The following MED25 variants were observed in gnomAD, a reference collection of about 807,000 sequenced individuals.
MED25 encodes mediator complex subunit 25.
MED25 carries 62 observed loss-of-function variants against 89.4 expected under a neutral mutation model. The observed-to-expected ratio is 0.69, with a 90% CI of 0.57 to 0.86. The LOEUF (loss-of-function observed/expected upper bound fraction) is 0.86, where lower values mean the gene tolerates loss of function less well. Ranked by LOEUF, MED25 falls within the 40% of genes least tolerant of loss-of-function variation. The pLI, the probability that MED25 is intolerant of heterozygous loss-of-function variation, is 0.00. For synonymous variants in MED25, 449 were observed against 427.9 expected (o/e 1.05, Z -0.61); for missense variants, 905 against 1,005.2 (o/e 0.90, Z 1.35).
chr19:49,835,589 G>A lies in MED25; in HGVS notation c.1730G>A (p.Arg577Lys), dbSNP rs1480346753. The change falls in exon 15 of 18, where the codon AGG becomes AAG. Residue 577 changes from arginine to lysine, a missense_variant. Physicochemically the swap from Arg to Lys is conservative, Grantham distance 26 (BLOSUM62 2). Around this residue, in one of 3 missense-constraint regions of MED25, gnomAD observed 271 missense variants for 258.1 expected, o/e 1.05. Transcript: ENST00000312865. The surrounding 1 kb of genome is among the most constrained non-coding windows in gnomAD (Gnocchi z 6.2). ...GGGCCCATTCTGGAGGACCAAGCCA[G>A]GCCCTCACAGAATCTGGTGAGGACA... is the stretch of plus-strand genomic sequence containing the variant. Reference protein sequence around the residue: ...GLGPILEDQARPSQNLLQLRP... With the variant: ...GLGPILEDQAKPSQNLLQLRP... 2.6e-6 allele frequency: 4 copies of A among 1,564,020 alleles called. No individual in the cohort carries two copies. In the Admixed American group the frequency reaches 5.6e-5, roughly 22 times the overall value.
rs1025557662 is a variant in MED25, at chr19:49,832,025, G to A, written c.1316+4G>A. On this transcript the variant is annotated splice_donor_region_variant and intron_variant, in intron 11 of 17. Coordinates refer to ENST00000312865, the MANE Select transcript of MED25 (RefSeq NM_030973.4). Reference sequence around the variant, plus strand: ...ACGTGAATCATGGCGAGAACCTGTAGGTGACAGTCAGGGGCGGGGTGTGGT... The same window carrying A: ...ACGTGAATCATGGCGAGAACCTGTAAGTGACAGTCAGGGGCGGGGTGTGGT... 1.2e-6 allele frequency: 2 copies of A among 1,614,016 alleles called. No homozygotes were observed. The highest frequency in any genetic ancestry group is 1.7e-6 in the Non-Finnish European group (2 of 1,180,020).
In MED25 at chr19:49,824,715, C is replaced by T. The variant is rs552793473; in HGVS notation, c.306-3734C>T. Among the ~76,000 whole-genome samples, 3 of 152,254 alleles carry T rather than the reference C, an allele frequency of 2.0e-5. No homozygotes were observed. The East Asian group carries it at 5.8e-4, about 29-fold the overall frequency. On this transcript the variant is annotated intron_variant, in intron 3 of 17. Transcript: ENST00000312865. ...AACAAATGTTTGTGGAACAAATCGT[C>T]CTGGGCACCAAGGAGTTAGTGGGCA...
Position 49,818,330 on chromosome 19 carries a change from A to G in MED25, c.-12A>G, listed in dbSNP as rs114843375. The G allele has an allele frequency of 9.7e-3, 15,315 of 1,571,294 alleles. 114 individuals carry two copies. Among genetic ancestry groups the G allele is most frequent in the African/African-American group, 0.029 (2,149 of 73,870 alleles). ...TGCGGCTGCAGTGGTGGTGGCGGGT[A>G]CCGCACGGGGTATGGTCCCCGGGTC... is the stretch of plus-strand genomic sequence containing the variant. On this transcript the variant is annotated 5_prime_UTR_variant, in exon 1 of 18. Transcript: ENST00000312865.
intron 3 of MED25, chr19:49,819,874 G>A: frequency 5.9e-6 from 1 of 170,100 alleles, no homozygotes; most frequent in Non-Finnish European, 1.3e-5. Context: ...TCCCAGGCTT[G>A]TAGTGCAGTG....
At chr19:49,839,418 C>T (rs73592291), downstream of MED25, 2 of 153,990 alleles carry the variant, frequency 1.3e-5, no homozygotes, top group Non-Finnish European at 2.9e-5. Context: ...GAACACACCG[C>T]GATGCTCTCG....
intron 3 of MED25, among the ~76,000 whole-genome samples, chr19:49,824,429 G>T (rs1426884377): frequency 6.6e-6 from 1 of 151,914 alleles, no homozygotes; most frequent in South Asian, 2.1e-4. Flanking sequence ...CAAATAAATA[G>T]AAAAAATTAA....
chr19:49,818,652 G>A, intron 2 of MED25, 36 bp downstream of exon 2: 1 of 1,596,470 alleles, frequency 6.3e-7, no homozygotes, highest in Non-Finnish European at 8.6e-7. Flanking sequence ...AGGGAGGAGG[G>A]GCCGGGGGCC....
chr19:49,831,395 C>G lies in MED25; in HGVS notation c.1164C>G (p.Ala388=). 1 of 1,611,270 alleles carries G rather than the reference C, an allele frequency of 6.2e-7. No individual in the cohort carries two copies. Among genetic ancestry groups the G allele is most frequent in the South Asian group, 1.1e-5 (1 of 90,266 alleles). ...CCCCAGCCCAGCTGGGAGCCCCAGC[C>G]CTCGGTGGGCAGCAGTCAGTCTCCA... The part of the protein sequence containing the change: ...GPSPAQLGAP[A]LGGQQSVSNK... The change falls in exon 10 of 18, where the codon GCC becomes GCG. Residue 388 remains alanine (A), a synonymous_variant. Coordinates refer to ENST00000312865, the MANE Select transcript of MED25 (RefSeq NM_030973.4). This position sits in a 1 kb window ranked among gnomAD's most constrained non-coding sequence, Gnocchi z 5.0.
intron 2 of MED25, 31 bp from the exon 3 acceptor site, chr19:49,819,141 A>C (rs1023625392): frequency 9.9e-6 from 16 of 1,613,720 alleles, no homozygotes; most frequent in Middle Eastern, 1.6e-4. Flanking sequence ...TTGAGGTCCC[A>C]GATTAAAAGT....
rs758524310 is a variant in MED25, at chr19:49,832,149, C to T, written c.1366C>T (p.Gln456Ter). ...QKLIMQLIPQ[Q>*]LLTTLGPLFR... ...GCTGATCATGCAGCTCATCCCCCAG[C>T]AGCTGCTGGTGAGTGGCGGTGGAGG... The change falls in exon 12 of 18, where the codon CAG becomes TAG. Residue 456 changes from glutamine (Q) to a stop codon, truncating the protein, a stop_gained. Coordinates refer to ENST00000312865, the MANE Select transcript of MED25 (RefSeq NM_030973.4). LOFTEE classifies it high-confidence loss of function. The T allele has an allele frequency of 8.1e-6, 13 of 1,612,654 alleles. No individual in the cohort carries two copies. The Admixed American group carries it at 1.2e-4, about 14-fold the overall frequency.
At position 49,828,487 on chromosome 19, in the gene MED25, C is replaced by T. The variant is rs764375282; in HGVS notation, c.344C>T (p.Ala115Val). Residue 115 changes from alanine (A) to valine (V), a missense_variant, in exon 4 of 18, where the codon GCG (alanine) becomes GTG (valine). Transcript: ENST00000312865. ...GGGGESCSLI[A>V]EGLSTALQLF... ...GGTGGTGAGAGCTGCAGCCTCATCG[C>T]GGAAGGACTCAGCACAGCCTTGCAG... 58 of 1,613,966 alleles carry T rather than the reference C, an allele frequency of 3.6e-5. No individual in the cohort carries two copies. Among genetic ancestry groups the T allele is most frequent in the East Asian group, 2.7e-4 (12 of 44,894 alleles).
Position 49,818,461 on chromosome 19 carries a change from G to T in MED25, c.120G>T (p.Leu40=). 6.2e-7 allele frequency: 1 copy of T among 1,614,190 alleles called. No homozygotes were observed. The highest frequency in any genetic ancestry group is 1.7e-5 in the Admixed American group (1 of 60,024). The change falls in exon 1 of 18, where the codon CTG becomes CTT. Residue 40 remains leucine (L), a synonymous_variant. Coordinates refer to ENST00000312865, the MANE Select transcript of MED25 (RefSeq NM_030973.4). ...TCGAGGGGCTCCGCAAGCACTACCT[G>T]CTCCCGGCCATCGAGTGAGTGCTGT... ...PYFEGLRKHY[L]LPAIEYFNGG...
chr19:49,818,933 G>C, intron 2 of MED25: 1 of 589,146 alleles, frequency 1.7e-6, no homozygotes, highest in Non-Finnish European at 3.0e-6. Context: ...TGGATTCCTG[G>C]GTCTGAGGGA....
At position 49,832,159 on chromosome 19, in the gene MED25, T is replaced by G; in HGVS notation, c.1374+2T>G. 6.2e-7 allele frequency: 1 copy of G among 1,612,236 alleles called. No homozygotes were observed. Among genetic ancestry groups the G allele is most frequent in the Non-Finnish European group, 8.5e-7 (1 of 1,179,852 alleles). The stretch of plus-strand genomic sequence containing the variant: ...CAGCTCATCCCCCAGCAGCTGCTGG[T>G]GAGTGGCGGTGGAGGGCCAGCCCTG... On this transcript the variant is annotated splice_donor_variant, in intron 12 of 17. Transcript: ENST00000312865. LOFTEE classifies it high-confidence loss of function.
chr19:49,819,176 G>T lies in MED25; in HGVS notation c.185G>T (p.Gly62Val). ...TTTTCTGTCCTCCCCTCCCAGTATG[G>T]GGGGACCCAGTACAGCCTCGTGGTG... ...PAETDFGGDY[G>V]GTQYSLVVFN... The change falls in exon 3 of 18, where the codon GGG becomes GTG. Residue 62 changes from glycine (G) to valine (V), a missense_variant. Gly to Val is a moderately radical substitution (Grantham distance 109). Coordinates refer to ENST00000312865, the MANE Select transcript of MED25 (RefSeq NM_030973.4). 6.2e-7 allele frequency: 1 copy of T among 1,614,168 alleles called. No homozygotes were observed. Among genetic ancestry groups the T allele is most frequent in the Non-Finnish European group, 8.5e-7 (1 of 1,180,024 alleles).
Position 49,821,797 on chromosome 19 carries a change from CA to C in MED25, c.305+2503del, listed in dbSNP as rs1371255664. ...CACCATTGCACTCCAGCCTGGGCAA[CA>C]AGAGTGAAATTCTGTCTCAAAAAAA... On this transcript the variant is annotated intron_variant, in intron 3 of 17. Transcript: ENST00000312865. Among the ~76,000 whole-genome samples, 892 of 113,292 alleles carry C rather than the reference CA, an allele frequency of 7.9e-3. 9 individuals carry two copies. The highest frequency in any genetic ancestry group is 0.029 in the African/African-American group (827 of 28,322). 74.3% of individuals were successfully genotyped at this position (113,292 alleles called of 152,430 possible). A position where few individuals can be genotyped will look rare whatever the true frequency, so the allele number is the denominator to read the frequency against.
Position 49,832,393 on chromosome 19 carries a change from A to T in MED25, c.1460A>T (p.Tyr487Phe). The change falls in exon 13 of 18, where the codon TAC becomes TTC. Residue 487 changes from tyrosine to phenylalanine, a missense_variant. Physicochemically the swap from Tyr to Phe is conservative, Grantham distance 22. This residue lies in a region of MED25 where 133 missense variants were observed against 220.2 expected (regional missense o/e 0.60). Transcript: ENST00000312865. ...GACCTGGAGTCTCTCAAAGGCCTCT[A>T]CCGCATCATGGGCAACGGCTTCGTG... The part of the protein sequence containing the change: ...NKDLESLKGL[Y>F]RIMGNGFAGC... 6.2e-7 allele frequency: 1 copy of T among 1,607,366 alleles called. No individual in the cohort carries two copies. The highest frequency in any genetic ancestry group is 8.5e-7 in the Non-Finnish European group (1 of 1,175,182).
chr19:49,836,726 TG>T lies in MED25; in HGVS notation c.2147-117del. 1.3e-6 allele frequency: 1 copy of T among 785,870 alleles called. No individual in the cohort carries two copies. The highest frequency in any genetic ancestry group is 2.2e-6 in the Non-Finnish European group (1 of 447,856). 48.7% of individuals were successfully genotyped at this position (785,870 alleles called of 1,614,324 possible). Reference sequence around the variant, plus strand: ...GGGAAACAGCATATTTGTAACTAGATGGGGCCAGAAGGTGCTTCTGTTGGGT... The same window carrying T: ...GGGAAACAGCATATTTGTAACTAGATGGGCCAGAAGGTGCTTCTGTTGGGT... On this transcript the variant is annotated intron_variant, in intron 17 of 17. Coordinates refer to ENST00000312865, the MANE Select transcript of MED25 (RefSeq NM_030973.4). The surrounding 1 kb of genome is among the most constrained non-coding windows in gnomAD (Gnocchi z 5.1).
At chr19:49,820,881 T>C (rs1448041660) in intron 3 of MED25, among the ~76,000 whole-genome samples, 1 of 152,272 alleles carries the variant, frequency 6.6e-6, no homozygotes, top group African/African-American at 2.4e-5. Flanking sequence ...CCCAGGAGTC[T>C]GTCCCCTCTG....
Sources: gnomAD v4.1 joint callset for allele counts (sites outside exome capture counted in the v4.1 genomes callset) on GRCh38, gnomAD v4.1.1 for gene constraint, gnomAD v4.1.1 regional missense constraint, Gnocchi (gnomAD v3.1) non-coding constraint, MANE v1.5 for transcripts, NCBI Gene and HGNC (gene_info 2026-07-23, HGNC 2026-07-21) for gene names.